The following LDLRAP1 variants were observed in gnomAD, a reference collection of about 807,000 sequenced individuals.
LDLRAP1 encodes low density lipoprotein receptor adapter protein 1.
In LDLRAP1, 30 loss-of-function variants were observed where a neutral mutation model predicts 37.8. The ratio of observed to expected loss-of-function variants is 0.79; its 90% confidence interval spans 0.59 to 1.08. LDLRAP1 has a LOEUF of 1.08. Among genes scored for constraint, LDLRAP1 ranks in the 50% least tolerant of loss-of-function variants. LDLRAP1 has a pLI of 0.00. For missense variants in LDLRAP1, 375 were observed against 401.6 expected, an observed-to-expected ratio of 0.93 and a Z score of 0.57; for synonymous variants, 156 against 169.8, an observed-to-expected ratio of 0.92 and a Z score of 0.63.
At chr1:25,543,875 G>A in intron 1 of LDLRAP1, 89 bp downstream of exon 1, 1 of 826,918 alleles carries the variant, frequency 1.2e-6, no homozygotes, top group Non-Finnish European at 1.6e-6. Flanking sequence ...GCCAAGTTGG[G>A]CAGAGGCGGG....
chr1:25,588,151 C>T, the LDLRAP1 span, among the ~76,000 whole-genome samples: 7 of 152,248 alleles, frequency 4.6e-5, no homozygotes, highest in Non-Finnish European at 8.8e-5. Flanking sequence ...TGCGGAAGGC[C>T]GCAGGGACCT....
In LDLRAP1 at chr1:25,567,364, C is replaced by G. The variant is rs1198279692; in HGVS notation, c.*372C>G. 1 of 340,616 alleles carries G rather than the reference C, an allele frequency of 2.9e-6. No homozygotes were observed. The highest frequency in any genetic ancestry group is 5.6e-6 in the Non-Finnish European group (1 of 177,238). 21.1% of individuals were successfully genotyped at this position (340,616 alleles called of 1,614,324 possible). ...GGACTGTGACCAAAGCATTTCTAGT[C>G]CCTTCTCTCTTTCTAAGGACCCAAA... On this transcript the variant is annotated 3_prime_UTR_variant, in exon 9 of 9. Coordinates refer to ENST00000374338, the MANE Select transcript of LDLRAP1 (RefSeq NM_015627.3).
chr1:25,574,561 G>A, the LDLRAP1 span, among the ~76,000 whole-genome samples: 2 of 152,232 alleles, frequency 1.3e-5, no homozygotes, highest in Non-Finnish European at 2.9e-5. Context: ...CCAAATCTGT[G>A]TGTCGGGAGC....
chr1:25,581,109 G>T, the LDLRAP1 span, among the ~76,000 whole-genome samples: 10 of 152,176 alleles, frequency 6.6e-5, no homozygotes, highest in South Asian at 1.4e-3. Context: ...CCAAGAGGGT[G>T]CCGTGCTGGG....
chr1:25,553,703 A>G (rs35727352), intron 1 of LDLRAP1: 39,891 of 558,538 alleles, frequency 0.071, 8,394 homozygotes, highest in African/African-American at 0.55. Context: ...CCTGGGGTGC[A>G]GAGGTTGCAG....
chr1:25,553,210 G>A (rs2044116962), intron 1 of LDLRAP1, among the ~76,000 whole-genome samples: 1 of 152,214 alleles, frequency 6.6e-6, no homozygotes, highest in Non-Finnish European at 1.5e-5. Flanking sequence ...TTCATCTCAT[G>A]ACTTTGCCTC....
chr1:25,548,984 G>A (rs970587744), intron 1 of LDLRAP1, among the ~76,000 whole-genome samples: 2 of 152,202 alleles, frequency 1.3e-5, no homozygotes, highest in African/African-American at 2.4e-5. Flanking sequence ...AGGACACTGA[G>A]ATCCAGGGAG....
chr1:25,552,593 CT>C (rs1401375917), intron 1 of LDLRAP1, among the ~76,000 whole-genome samples: 1 of 152,242 alleles, frequency 6.6e-6, no homozygotes, highest in Non-Finnish European at 1.5e-5. Flanking sequence ...AGGGTTTCCT[CT>C]CTGTAAAATG....
the LDLRAP1 span, among the ~76,000 whole-genome samples, chr1:25,584,419 A>T: frequency 1.3e-5 from 2 of 151,616 alleles, no homozygotes; most frequent in Non-Finnish European, 2.9e-5. Context: ...TATTGCCAGC[A>T]CCTTCCACCC....
intron 8 of LDLRAP1, among the ~76,000 whole-genome samples, chr1:25,566,291 C>T (rs1177759175): frequency 6.6e-6 from 1 of 152,166 alleles, no homozygotes; most frequent in African/African-American, 2.4e-5. Context: ...CCTGATTTTT[C>T]ACTTAACAGC....
rs900189717 is a variant in LDLRAP1 at position 25,557,945 on chromosome 1, G to T, written c.459+678G>T. Among the ~76,000 whole-genome samples, 8 of 151,882 alleles carry T rather than the reference G, an allele frequency of 5.3e-5. No individual in the cohort carries two copies. The South Asian group carries it at 8.3e-4, about 16-fold the overall frequency. The stretch of plus-strand genomic sequence containing the variant: ...ACTCCCAGAGGCCAGCTATCTTGCT[G>T]TCAGGGTTAGAGTGGGGGTTTAAAC... On this transcript the variant is annotated intron_variant, in intron 4 of 8. Coordinates refer to ENST00000374338, the MANE Select transcript of LDLRAP1 (RefSeq NM_015627.3).
chr1:25,570,318 C>T (rs1406063205), downstream of LDLRAP1, among the ~76,000 whole-genome samples: 1 of 152,236 alleles, frequency 6.6e-6, no homozygotes, highest in Non-Finnish European at 1.5e-5. Flanking sequence ...TCTGCTCTTT[C>T]ATGCATAAGG....
chr1:25,554,958 C>G lies in LDLRAP1; in HGVS notation c.330C>G (p.Asn110Lys). ...TDNLTNQLIE[N>K]VSIYRISYCT... ...ACCTCACCAACCAGCTCATTGAGAACGTGTCCATATACAGGTACGCTCAGC... is the reference window on the plus strand; with the variant it reads ...ACCTCACCAACCAGCTCATTGAGAAGGTGTCCATATACAGGTACGCTCAGC... Residue 110 changes from asparagine to lysine, a missense_variant, in exon 3 of 9, where the codon AAC becomes AAG. Asn to Lys is a moderately conservative substitution (Grantham distance 94, BLOSUM62 0). Coordinates refer to ENST00000374338, the MANE Select transcript of LDLRAP1 (RefSeq NM_015627.3). The surrounding 1 kb of genome is among the most constrained non-coding windows in gnomAD (Gnocchi z 5.4). 5 of 1,613,844 alleles carry G rather than the reference C, an allele frequency of 3.1e-6. No homozygotes were observed. The highest frequency in any genetic ancestry group is 1.3e-5 in the African/African-American group (1 of 75,062).
chr1:25,561,409 T>A (rs1047128661), intron 4 of LDLRAP1, among the ~76,000 whole-genome samples: 2 of 152,232 alleles, frequency 1.3e-5, no homozygotes, highest in African/African-American at 2.4e-5. Context: ...TCAGTCAGTT[T>A]GTTTAGGAAT....
At position 25,557,177 on chromosome 1, in the gene LDLRAP1, G is replaced by C; in HGVS notation, c.369G>C (p.Lys123Asn). 1 of 1,614,154 alleles carries C rather than the reference G, an allele frequency of 6.2e-7. No individual in the cohort carries two copies. Among genetic ancestry groups the C allele is most frequent in the Non-Finnish European group, 8.5e-7 (1 of 1,180,000 alleles). Reference sequence around the variant, plus strand: ...GGATCTCCTATTGCACAGCAGACAAGATGCACGACAAGGTGTTTGCATACA... The same window carrying C: ...GGATCTCCTATTGCACAGCAGACAACATGCACGACAAGGTGTTTGCATACA... The part of the protein sequence containing the change: ...IYRISYCTAD[K>N]MHDKVFAYIA... Residue 123 changes from lysine (K) to asparagine (N), a missense_variant, in exon 4 of 9, where the codon AAG becomes AAC. Coordinates refer to ENST00000374338, the MANE Select transcript of LDLRAP1 (RefSeq NM_015627.3).
At chr1:25,573,780 G>A (rs2044636413), downstream of LDLRAP1, among the ~76,000 whole-genome samples, 1 of 152,184 alleles carries the variant, frequency 6.6e-6, no homozygotes, top group South Asian at 2.1e-4. Flanking sequence ...GCACCCCGGG[G>A]CTATTTCACA....
chr1:25,547,490 A>T (rs1033240485), intron 1 of LDLRAP1, among the ~76,000 whole-genome samples: 9 of 133,018 alleles, frequency 6.8e-5, no homozygotes, highest in Admixed American at 2.2e-4. Context: ...CTCAAATAAT[A>T]AATAAATAAA....
chr1:25,575,614 C>G, the LDLRAP1 span, among the ~76,000 whole-genome samples: 1 of 151,976 alleles, frequency 6.6e-6, no homozygotes. Context: ...AACAAACAAA[C>G]AAACAAAAAT....
rs760539139 is a variant in LDLRAP1 at position 25,565,166 on chromosome 1, C to G, written c.748-7C>G. On this transcript the variant is annotated splice_polypyrimidine_tract_variant and splice_region_variant and intron_variant, in intron 7 of 8. Transcript: ENST00000374338. ...TAGTTCTTATCTCCTGCTTTGTTTT[C>G]CCCAAGGAGCTGGATGATGGCCTGG... 2.4e-5 allele frequency: 38 copies of G among 1,613,978 alleles called. No individual in the cohort carries two copies. Among genetic ancestry groups the G allele is most frequent in the Non-Finnish European group, 3.1e-5 (36 of 1,179,960 alleles).
Sources: gnomAD v4.1 joint callset for allele counts (sites outside exome capture counted in the v4.1 genomes callset) on GRCh38, gnomAD v4.1.1 for gene constraint, Gnocchi (gnomAD v3.1) non-coding constraint, MANE v1.5 for transcripts, NCBI Gene and HGNC (gene_info 2026-07-23, HGNC 2026-07-21) for gene names.